FLRT2: variants seen among roughly 807,000 people sequenced by gnomAD.
FLRT2 encodes the protein leucine-rich repeat transmembrane protein FLRT2.
A neutral mutation model predicts 40.0 loss-of-function variants in FLRT2; 15 were observed. The ratio of observed to expected loss-of-function variants is 0.38; its 90% confidence interval spans 0.25 to 0.58. FLRT2 has a LOEUF of 0.58. Ranked by LOEUF, FLRT2 falls within the 20% of genes least tolerant of loss-of-function variation. FLRT2 has a pLI of 0.71. For missense variants in FLRT2, 726 were observed against 840.0 expected (o/e 0.86, Z 1.68); for synonymous variants, 380 against 336.8 (o/e 1.13, Z -1.41).
chr14:85,547,513 G>A (rs1889349511), intron 1 of FLRT2, among the ~76,000 whole-genome samples: 1 of 151,912 alleles, frequency 6.6e-6, no homozygotes, highest in Non-Finnish European at 1.5e-5. Flanking sequence ...TAGTAGAGAT[G>A]GGGTTTCACC....
At chr14:85,605,673 A>G (rs1892574459) in intron 1 of FLRT2, among the ~76,000 whole-genome samples, 1 of 152,076 alleles carries the variant, frequency 6.6e-6, no homozygotes, top group South Asian at 2.1e-4. Flanking sequence ...GGGAGGCTGA[A>G]GCAGGAGAAT....
At chr14:85,563,434 A>G (rs1955420) in intron 1 of FLRT2, among the ~76,000 whole-genome samples, 79,147 of 151,988 alleles carry the variant, frequency 0.52, 22,080 homozygotes, top group Non-Finnish European at 0.63. Flanking sequence ...GGTTTAATTG[A>G]CTCACAGTTC....
chr14:85,530,792 A>C (rs1044182533), intron 1 of FLRT2, among the ~76,000 whole-genome samples: 6 of 151,970 alleles, frequency 3.9e-5, no homozygotes, highest in Non-Finnish European at 8.8e-5. Context: ...CTGGGTCAAA[A>C]CGCAAATTTT....
chr14:85,589,034 G>A (rs930168976), intron 1 of FLRT2, among the ~76,000 whole-genome samples: 2 of 151,988 alleles, frequency 1.3e-5, no homozygotes, highest in African/African-American at 4.8e-5. Flanking sequence ...TCCAAATCTT[G>A]GCTATTGTGA....
chr14:85,553,702 A>G (rs577353061), intron 1 of FLRT2, among the ~76,000 whole-genome samples: 5 of 152,164 alleles, frequency 3.3e-5, no homozygotes, highest in Non-Finnish European at 7.4e-5. Context: ...GAAAGGAAAA[A>G]TTGAGGGAGA....
Position 85,631,223 on chromosome 14 carries a change from A to C in FLRT2, c.*7726A>C, listed in dbSNP as rs1893865526. 1 of 150,470 alleles carries C rather than the reference A, an allele frequency of 6.6e-6. No individual in the cohort carries two copies. The highest frequency in any genetic ancestry group is 1.5e-5 in the Non-Finnish European group (1 of 67,832). The allele number at this position is 150,470 out of a possible 1,614,324, so 9.3% of individuals were successfully genotyped here. A position where few individuals can be genotyped will look rare whatever the true frequency, so the allele number is the denominator to read the frequency against. On this transcript the variant is annotated 3_prime_UTR_variant, in exon 2 of 2. Coordinates refer to ENST00000330753, the MANE Select transcript of FLRT2 (RefSeq NM_013231.6). The stretch of plus-strand genomic sequence containing the variant: ...TGTGCTCAAGGTCTTTCATCCTGTG[A>C]CATTCCCCTTTGCCTGATGACATAT...
intron 1 of FLRT2, among the ~76,000 whole-genome samples, chr14:85,620,484 A>T (rs1893333382): frequency 6.6e-6 from 1 of 152,168 alleles, no homozygotes; most frequent in Non-Finnish European, 1.5e-5. Context: ...AGCATGAATA[A>T]GGTTTTGTAT....
intron 1 of FLRT2, among the ~76,000 whole-genome samples, chr14:85,575,911 T>C (rs1891109570): frequency 6.6e-6 from 1 of 152,200 alleles, no homozygotes; most frequent in Non-Finnish European, 1.5e-5. Context: ...ATATGTTAAG[T>C]GCCTAGCACA....
Position 85,651,707 on chromosome 14 carries a change from T to G in FLRT2, c.*28210T>G, listed in dbSNP as rs935901379. The stretch of plus-strand genomic sequence containing the variant: ...ATATTTTCGTTACTTTTTTCTTATT[T>G]TTATCCTTTCTATGTCTTTATGATT... On this transcript the variant is annotated 3_prime_UTR_variant, in exon 2 of 2. Transcript: ENST00000330753. 6.6e-6 allele frequency: 1 copy of G among 152,116 alleles called. No homozygotes were observed. The highest frequency in any genetic ancestry group is 1.5e-5 in the Non-Finnish European group (1 of 67,988). 9.4% of individuals were successfully genotyped at this position (152,116 alleles called of 1,614,324 possible). A position where few individuals can be genotyped will look rare whatever the true frequency, so the allele number is the denominator to read the frequency against.
At chr14:85,571,741 C>T (rs1280010779) in intron 1 of FLRT2, among the ~76,000 whole-genome samples, 3 of 152,084 alleles carry the variant, frequency 2.0e-5, no homozygotes, top group Non-Finnish European at 4.4e-5. Context: ...CTTTTTCGCT[C>T]ATCAAGTGTC....
intron 1 of FLRT2, among the ~76,000 whole-genome samples, chr14:85,555,671 TTC>T (rs1317364939): frequency 7.1e-6 from 1 of 139,944 alleles, no homozygotes; most frequent in Non-Finnish European, 1.6e-5. Flanking sequence ...GTTTAACTAT[TTC>T]TCTCTTATCT....
intron 1 of FLRT2, among the ~76,000 whole-genome samples, chr14:85,615,753 T>A (rs1367233458): frequency 2.1e-5 from 1 of 48,428 alleles, no homozygotes; most frequent in Non-Finnish European, 4.3e-5. Flanking sequence ...GCTTTCTCAT[T>A]GTATCACTTC....
intron 1 of FLRT2, among the ~76,000 whole-genome samples, chr14:85,592,915 C>G (rs1377468905): frequency 6.6e-6 from 1 of 151,930 alleles, no homozygotes; most frequent in African/African-American, 2.4e-5. Flanking sequence ...ACATTGTTGG[C>G]TCCATGTGCA....
In FLRT2 at chr14:85,645,381, T is replaced by A. The variant is rs1215350248; in HGVS notation, c.*21884T>A. 6.6e-6 allele frequency: 1 copy of A among 152,054 alleles called. No homozygotes were observed. Among genetic ancestry groups the A allele is most frequent in the Non-Finnish European group, 1.5e-5 (1 of 68,022 alleles). The allele number at this position is 152,054 out of a possible 1,614,324, so 9.4% of individuals were successfully genotyped here. ...GCTCTATTTGTTGCTTGAGCAGGTG[T>A]TCACCCTCCCACATAAATTCATCCT... On this transcript the variant is annotated 3_prime_UTR_variant, in exon 2 of 2. Transcript: ENST00000330753.
At chr14:85,602,203 G>A (rs575844252) in intron 1 of FLRT2, among the ~76,000 whole-genome samples, 1 of 152,232 alleles carries the variant, frequency 6.6e-6, no homozygotes, top group Admixed American at 6.5e-5. Context: ...GCATAAATAT[G>A]CATGTATATT....
chr14:85,596,632 C>A (rs373092259), intron 1 of FLRT2, among the ~76,000 whole-genome samples: 1 of 152,140 alleles, frequency 6.6e-6, no homozygotes. Context: ...TTGAACCCAT[C>A]GTCTTGCTAA....
At chr14:85,559,849 C>T (rs1890197885) in intron 1 of FLRT2, among the ~76,000 whole-genome samples, 1 of 152,216 alleles carries the variant, frequency 6.6e-6, no homozygotes, top group African/African-American at 2.4e-5. Context: ...TCCGGATCTC[C>T]TGATGGCATT....
At chr14:85,610,630 T>G (rs1248775956) in intron 1 of FLRT2, among the ~76,000 whole-genome samples, 1 of 152,156 alleles carries the variant, frequency 6.6e-6, no homozygotes, top group African/African-American at 2.4e-5. Context: ...GGCTCTCCCT[T>G]CCTTGTATCC....
chr14:85,644,001 T>C lies in FLRT2; in HGVS notation c.*20504T>C, dbSNP rs1303485095. The C allele has an allele frequency of 6.6e-6, 1 of 152,218 alleles. No homozygotes were observed. The highest frequency in any genetic ancestry group is 1.5e-5 in the Non-Finnish European group (1 of 68,042). 9.4% of individuals were successfully genotyped at this position (152,218 alleles called of 1,614,324 possible). A position where few individuals can be genotyped will look rare whatever the true frequency, so the allele number is the denominator to read the frequency against. Reference sequence around the variant, plus strand: ...TCAGCCAACTTAAGTTGTACCTGAATTGTGCAAATGAAGGAAAGATGCAGG... The same window carrying C: ...TCAGCCAACTTAAGTTGTACCTGAACTGTGCAAATGAAGGAAAGATGCAGG... On this transcript the variant is annotated 3_prime_UTR_variant, in exon 2 of 2. Transcript: ENST00000330753.
Sources: gnomAD v4.1 joint callset for allele counts (sites outside exome capture counted in the v4.1 genomes callset) on GRCh38, gnomAD v4.1.1 for gene constraint, MANE v1.5 for transcripts, NCBI Gene and HGNC (gene_info 2026-07-23, HGNC 2026-07-21) for gene names.